The following SLC12A1 variants were observed in gnomAD, a reference collection of about 807,000 sequenced individuals.
The protein encoded by SLC12A1 is solute carrier family 12 member 1.
Under a neutral mutation model 130.4 loss-of-function variants are expected in SLC12A1, and 89 were observed. That is an observed-to-expected ratio of 0.68 (90% CI 0.58 to 0.81). SLC12A1 has a LOEUF of 0.81. Ranked by LOEUF, SLC12A1 falls within the 40% of genes least tolerant of loss-of-function variation. SLC12A1 has a pLI of 0.00. For missense variants in SLC12A1, 1,310 were observed against 1,336.4 expected (o/e 0.98, Z 0.31); for synonymous variants, 499 against 460.0 (o/e 1.08, Z -1.09).
intron 20 of SLC12A1, among the ~76,000 whole-genome samples, chr15:48,284,104 C>G (rs1031690738): frequency 2.4e-4 from 37 of 152,330 alleles, no homozygotes; most frequent in African/African-American, 7.2e-4. Context: ...TGCTTGACTC[C>G]TGTTCCAGAC....
chr15:48,249,734 A>G (rs2041626057), intron 14 of SLC12A1, 58 bp downstream of exon 14: 3 of 1,230,798 alleles, frequency 2.4e-6, no homozygotes, highest in Non-Finnish European at 3.6e-6. Flanking sequence ...GTCTCAATAA[A>G]ACGAAATAAA....
Position 48,285,242 on chromosome 15 carries a change from T to C in SLC12A1, c.2622T>C (p.Pro874=). ...AGTTGAACATTACTAAGACAACGCC[T>C]AAAAAAGGTAAGAACTTTTTAAAAT... The part of the protein sequence containing the change: ...AGKLNITKTT[P]KKDGSINTSQ... The change falls in exon 21 of 27, where the codon CCT becomes CCC. Residue 874 remains proline, a synonymous_variant. Transcript: ENST00000380993. The C allele has an allele frequency of 6.2e-7, 1 of 1,613,520 alleles. No individual in the cohort carries two copies.
At chr15:48,215,113 G>A in intron 2 of SLC12A1, among the ~76,000 whole-genome samples, 1 of 151,738 alleles carries the variant, frequency 6.6e-6, no homozygotes, top group African/African-American at 2.4e-5. Flanking sequence ...GTATCTAGCT[G>A]GAACTTAAAG....
Position 48,220,920 on chromosome 15 carries a change from G to C in SLC12A1, c.553-1G>C. 1 of 1,613,928 alleles carries C rather than the reference G, an allele frequency of 6.2e-7. No individual in the cohort carries two copies. The highest frequency in any genetic ancestry group is 8.5e-7 in the Non-Finnish European group (1 of 1,179,852). On this transcript the variant is annotated splice_acceptor_variant, in intron 3 of 26. Transcript: ENST00000380993. LOFTEE classifies it high-confidence loss of function. ...CCTTTCAATACCGCTTCTATCCACA[G>C]GTAAGATGCATGCTGAACATCTGGG... is the stretch of plus-strand genomic sequence containing the variant.
chr15:48,274,030 A>G (rs1230982220), intron 19 of SLC12A1, among the ~76,000 whole-genome samples: 1 of 152,222 alleles, frequency 6.6e-6, no homozygotes, highest in Non-Finnish European at 1.5e-5. Context: ...AGAAAACACA[A>G]GAGCCAGTAT....
At chr15:48,250,528 T>C (rs1880106654) in intron 14 of SLC12A1, among the ~76,000 whole-genome samples, 4 of 152,116 alleles carry the variant, frequency 2.6e-5, no homozygotes. Context: ...TGCCATGTTA[T>C]GGCCACTTTT....
chr15:48,283,248 G>T (rs1356177536), intron 20 of SLC12A1, among the ~76,000 whole-genome samples: 1 of 152,172 alleles, frequency 6.6e-6, no homozygotes, highest in East Asian at 1.9e-4. Flanking sequence ...AAAGCTTGGG[G>T]GGTGGGAAAA....
At chr15:48,210,975 A>G (rs1012603888) in intron 2 of SLC12A1, among the ~76,000 whole-genome samples, 2 of 152,226 alleles carry the variant, frequency 1.3e-5, no homozygotes, top group Non-Finnish European at 2.9e-5. Context: ...TTGAAGACAT[A>G]AAATGAAACT....
intron 2 of SLC12A1, among the ~76,000 whole-genome samples, chr15:48,212,574 GT>G (rs2041066347): frequency 6.6e-6 from 1 of 152,132 alleles, no homozygotes; most frequent in African/African-American, 2.4e-5. Flanking sequence ...CCTAATTCCT[GT>G]GACCAACTTT....
chr15:48,286,087 C>T (rs1470252387), intron 21 of SLC12A1, among the ~76,000 whole-genome samples: 1 of 152,194 alleles, frequency 6.6e-6, no homozygotes, highest in Admixed American at 6.5e-5. Context: ...ACTTAGCAAG[C>T]TTCTGGTCTA....
chr15:48,243,213 T>C (rs2041538205), intron 10 of SLC12A1, among the ~76,000 whole-genome samples: 1 of 152,048 alleles, frequency 6.6e-6, no homozygotes, highest in African/African-American at 2.4e-5. Context: ...AAATGAACAA[T>C]GCAAACAGGT....
rs769054742 is a variant in SLC12A1, at chr15:48,207,971, C to T, written c.252C>T (p.Ala84=). The T allele has an allele frequency of 1.9e-6, 3 of 1,613,960 alleles. No homozygotes were observed. The highest frequency in any genetic ancestry group is 3.3e-5 in the Admixed American group (2 of 60,018). The change falls in exon 2 of 27, where the codon GCC becomes GCT. Residue 84 remains alanine (A), a synonymous_variant. Transcript: ENST00000380993. ...LQSGETAKTD[A]SFHAYDSHTN... Reference sequence around the variant, plus strand: ...GTGGAGAAACTGCTAAAACAGATGCCAGTTTTCACGCTTATGATTCTCACA... The same window carrying T: ...GTGGAGAAACTGCTAAAACAGATGCTAGTTTTCACGCTTATGATTCTCACA...
At position 48,284,997 on chromosome 15, in the gene SLC12A1, C is replaced by G. The variant is rs34028279; in HGVS notation, c.2486-109C>G. ...TTTAGAAAAAATTACTATGTATAAA[C>G]AATTATTTTATCACATACATACCAT... On this transcript the variant is annotated intron_variant, in intron 20 of 26. Coordinates refer to ENST00000380993, the MANE Select transcript of SLC12A1 (RefSeq NM_000338.3). The G allele has an allele frequency of 0.019, 14,361 of 743,348 alleles. 217 individuals carry two copies. The highest frequency in any genetic ancestry group is 0.057 in the African/African-American group (3,121 of 54,818). The allele number at this position is 743,348 out of a possible 1,614,324, so 46.0% of individuals were successfully genotyped here.
At chr15:48,238,930 A>T (rs1246705023) in intron 9 of SLC12A1, among the ~76,000 whole-genome samples, 1 of 152,224 alleles carries the variant, frequency 6.6e-6, no homozygotes, top group African/African-American at 2.4e-5. Flanking sequence ...AAGAAAGCTA[A>T]GAAGTGATTT....
At chr15:48,288,196 A>G in intron 22 of SLC12A1, 22 bp downstream of exon 22, 5 of 1,600,240 alleles carry the variant, frequency 3.1e-6, no homozygotes, top group Non-Finnish European at 4.3e-6. Flanking sequence ...CAGAAAATAC[A>G]CTAGGGACAA....
At position 48,256,176 on chromosome 15, in the gene SLC12A1, G is replaced by A. The variant is rs111305683; in HGVS notation, c.2042+266G>A. On this transcript the variant is annotated intron_variant, in intron 16 of 26. Transcript: ENST00000380993. Reference sequence around the variant, plus strand: ...TGCGTGGAGATAGCAAGGTGGACTAGGTAATGTGACTTCAGAGAGATGATC... The same window carrying A: ...TGCGTGGAGATAGCAAGGTGGACTAAGTAATGTGACTTCAGAGAGATGATC... 4.8e-3 allele frequency among the ~76,000 whole-genome samples: 736 copies of A among 152,226 alleles called. 8 individuals are homozygous for A. Among genetic ancestry groups the A allele is most frequent in the Middle Eastern group, 0.044 (13 of 294 alleles).
chr15:48,235,046 A>G (rs2041424778), intron 9 of SLC12A1, 42 bp downstream of exon 9: 1 of 1,606,660 alleles, frequency 6.2e-7, no homozygotes, highest in East Asian at 2.2e-5. Context: ...GAGTGGTGGT[A>G]CACTTGGTGG....
At chr15:48,221,461 A>G in intron 4 of SLC12A1, 2 of 685,822 alleles carry the variant, frequency 2.9e-6, no homozygotes, top group South Asian at 3.1e-5. Flanking sequence ...AAAGAAAATA[A>G]TTGTGTTACT....
chr15:48,242,564 G>A (rs1315976947), intron 10 of SLC12A1, among the ~76,000 whole-genome samples: 3 of 152,152 alleles, frequency 2.0e-5, no homozygotes, highest in Non-Finnish European at 4.4e-5. Context: ...CTAATTTGGG[G>A]GGCTGAGGCC....
Sources: gnomAD v4.1 joint callset for allele counts (sites outside exome capture counted in the v4.1 genomes callset) on GRCh38, gnomAD v4.1.1 for gene constraint, MANE v1.5 for transcripts, NCBI Gene and HGNC (gene_info 2026-07-23, HGNC 2026-07-21) for gene names.